The following SNX29 variants were observed in gnomAD, a reference collection of about 807,000 sequenced individuals.
The protein encoded by SNX29 is sorting nexin-29.
SNX29 carries 78 observed loss-of-function variants against 102.1 expected under a neutral mutation model. The observed-to-expected ratio is 0.76, with a 90% CI of 0.64 to 0.92. The LOEUF is 0.92. SNX29 is among the 40% of genes least tolerant of loss of function. SNX29 has a pLI of 0.00. For missense variants in SNX29, 1,280 were observed against 1,061.7 expected, an observed-to-expected ratio of 1.21 and a Z score of -2.86; for synonymous variants, 580 against 414.5, an observed-to-expected ratio of 1.40 and a Z score of -4.85.
chr16:12,101,180 G>A (rs1045246748), intron 11 of SNX29, among the ~76,000 whole-genome samples: 2 of 152,074 alleles, frequency 1.3e-5, no homozygotes, highest in African/African-American at 2.4e-5. Context: ...TTGTGCGTGC[G>A]CATCCTGAGC....
Position 12,129,681 on chromosome 16 carries a change from G to T in SNX29, c.1518G>T (p.Arg506=), listed in dbSNP as rs775913843. The T allele has an allele frequency of 1.9e-6, 3 of 1,611,106 alleles. No homozygotes were observed. The Admixed American group carries it at 5.0e-5, about 27-fold the overall frequency. ...AGATGGAGCACTCAGCCGCGCTCCG[G>T]CAAGAGGTGGACACCTTGAAAAGGA... ...DGEMEHSAAL[R]QEVDTLKRKV... The change falls in exon 13 of 21, where the codon CGG becomes CGT. Residue 506 remains arginine (R), a synonymous_variant. Coordinates refer to ENST00000566228, the MANE Select transcript of SNX29 (RefSeq NM_032167.5).
chr16:12,122,306 G>A (rs991568807), intron 11 of SNX29, among the ~76,000 whole-genome samples: 5 of 152,166 alleles, frequency 3.3e-5, no homozygotes, highest in African/African-American at 1.2e-4. Context: ...GACTCTACAT[G>A]ATGGGCTTGG....
intron 11 of SNX29, among the ~76,000 whole-genome samples, chr16:12,108,010 G>C (rs973778161): frequency 1.3e-5 from 2 of 152,074 alleles, no homozygotes; most frequent in African/African-American, 2.4e-5. Flanking sequence ...ATTAGGAGTT[G>C]CTAGAAAAAT....
intron 14 of SNX29, among the ~76,000 whole-genome samples, chr16:12,251,742 A>G (rs2078429205): frequency 6.6e-6 from 1 of 152,014 alleles, no homozygotes; most frequent in Non-Finnish European, 1.5e-5. Context: ...ACAAATTCAT[A>G]ACTAATTTTA....
chr16:12,049,187 G>A (rs900310761), intron 7 of SNX29, among the ~76,000 whole-genome samples: 2 of 152,138 alleles, frequency 1.3e-5, no homozygotes, highest in Non-Finnish European at 2.9e-5. Context: ...AGGCTCTGGG[G>A]AAGCAAAAGA....
At chr16:12,110,190 A>G (rs1056572733) in intron 11 of SNX29, among the ~76,000 whole-genome samples, 9 of 152,190 alleles carry the variant, frequency 5.9e-5, no homozygotes, top group African/African-American at 2.2e-4. Flanking sequence ...AATGGCTCTC[A>G]GATGACTCTC....
At chr16:12,352,439 C>T (rs901334892) in intron 15 of SNX29, among the ~76,000 whole-genome samples, 1 of 152,084 alleles carries the variant, frequency 6.6e-6, no homozygotes, top group Non-Finnish European at 1.5e-5. Context: ...ATGGGTGCAG[C>T]ACACCAACAT....
At chr16:12,403,581 T>G in intron 18 of SNX29, 52 bp downstream of exon 18, 1 of 1,520,218 alleles carries the variant, frequency 6.6e-7, no homozygotes, top group East Asian at 2.4e-5. Flanking sequence ...AAAACGCCCA[T>G]TTGTCATGCT....
At chr16:12,316,326 C>G (rs137950791) in intron 15 of SNX29, among the ~76,000 whole-genome samples, 1 of 152,096 alleles carries the variant, frequency 6.6e-6, no homozygotes, top group African/African-American at 2.4e-5. Flanking sequence ...GGGTGGATCA[C>G]GAGGTCAAGA....
chr16:12,129,683 A>T lies in SNX29; in HGVS notation c.1520A>T (p.Gln507Leu), dbSNP rs761157412. The T allele has an allele frequency of 3.7e-6, 6 of 1,611,382 alleles. No homozygotes were observed. The South Asian group carries it at 4.4e-5, about 12-fold the overall frequency. Reference sequence around the variant, plus strand: ...ATGGAGCACTCAGCCGCGCTCCGGCAAGAGGTGGACACCTTGAAAAGGAAG... The same window carrying T: ...ATGGAGCACTCAGCCGCGCTCCGGCTAGAGGTGGACACCTTGAAAAGGAAG... The part of the protein sequence containing the change: ...GEMEHSAALR[Q>L]EVDTLKRKVA... The change falls in exon 13 of 21, where the codon CAA becomes CTA. Residue 507 changes from glutamine to leucine, a missense_variant. Coordinates refer to ENST00000566228, the MANE Select transcript of SNX29 (RefSeq NM_032167.5).
chr16:12,112,043 C>T (rs949029993), intron 11 of SNX29, among the ~76,000 whole-genome samples: 3 of 152,212 alleles, frequency 2.0e-5, no homozygotes, highest in South Asian at 2.1e-4. Context: ...AGAGGTTGTG[C>T]GCAGAGGTTG....
chr16:12,443,109 G>A, intron 18 of SNX29: 1 of 440,566 alleles, frequency 2.3e-6, no homozygotes, highest in South Asian at 1.6e-5. Flanking sequence ...GTGTGTCAGA[G>A]GAAGATGGAG....
intron 2 of SNX29, among the ~76,000 whole-genome samples, 154 bp downstream of exon 2, chr16:11,999,512 A>G (rs2056209707): frequency 6.6e-6 from 1 of 152,320 alleles, no homozygotes; most frequent in African/African-American, 2.4e-5. Flanking sequence ...GAAATGATAG[A>G]GCAGTGAACA....
chr16:12,390,829 C>T (rs868802725), intron 16 of SNX29, among the ~76,000 whole-genome samples: 35 of 150,184 alleles, frequency 2.3e-4, no homozygotes, highest in African/African-American at 7.9e-4. Flanking sequence ...TTCTCGGCCA[C>T]GCAGCTGAGT....
rs143675337 is a variant in SNX29 at position 12,120,786 on chromosome 16, C to T, written c.1403-5847C>T. Among the ~76,000 whole-genome samples, 874 of 152,228 alleles carry T rather than the reference C, an allele frequency of 5.7e-3. 8 individuals are homozygous for T. Among genetic ancestry groups the T allele is most frequent in the African/African-American group, 0.02 (828 of 41,530 alleles). ...AAGGAGGGGAACGGTTTTGTAGGCT[C>T]GTCCTGTTTGAGGTCATGGTAATGA... is the stretch of plus-strand genomic sequence containing the variant. On this transcript the variant is annotated intron_variant, in intron 11 of 20. Coordinates refer to ENST00000566228, the MANE Select transcript of SNX29 (RefSeq NM_032167.5).
intron 20 of SNX29, among the ~76,000 whole-genome samples, chr16:12,561,726 C>A (rs566655518): frequency 2.0e-5 from 3 of 152,268 alleles, no homozygotes; most frequent in East Asian, 3.9e-4. Context: ...AAGTTGCTAG[C>A]AGCAGGGAGG....
chr16:12,164,763 C>G (rs1176746849), intron 13 of SNX29, among the ~76,000 whole-genome samples: 3 of 144,232 alleles, frequency 2.1e-5, no homozygotes, highest in African/African-American at 7.9e-5. Flanking sequence ...TCTTAGCTCA[C>G]TGCAACATCC....
intron 9 of SNX29, among the ~76,000 whole-genome samples, chr16:12,066,485 G>A (rs1241528768): frequency 6.6e-6 from 1 of 152,146 alleles, no homozygotes; most frequent in East Asian, 1.9e-4. Context: ...TCCCAGTAGA[G>A]TTTTCTAGAA....
chr16:11,994,966 A>G (rs937952027), intron 1 of SNX29, among the ~76,000 whole-genome samples: 3 of 152,160 alleles, frequency 2.0e-5, no homozygotes, highest in African/African-American at 7.2e-5. Flanking sequence ...ATGAGAGCTC[A>G]GGCCTTGTGA....
Sources: allele counts gnomAD v4.1 joint callset (sites outside exome capture counted in the v4.1 genomes callset), GRCh38; gene constraint gnomAD v4.1.1; transcripts MANE v1.5; gene names NCBI Gene and HGNC (gene_info 2026-07-23, HGNC 2026-07-21).